DNAAF9: variants seen among roughly 807,000 people sequenced by gnomAD.
DNAAF9 encodes the protein dynein axonemal assembly factor 9, also known as shulin.
In DNAAF9, 90 loss-of-function variants were observed where a neutral mutation model predicts 167.0. That is an observed-to-expected ratio of 0.54 (90% CI 0.45 to 0.64). DNAAF9 has a LOEUF of 0.64. Ranked by LOEUF, DNAAF9 falls within the 30% of genes least tolerant of loss-of-function variation. The pLI, the probability that DNAAF9 is intolerant of heterozygous loss-of-function variation, is 0.00. For missense variants in DNAAF9, 1,315 were observed against 1,442.2 expected, an observed-to-expected ratio of 0.91 and a Z score of 1.43; for synonymous variants, 491 against 508.8, an observed-to-expected ratio of 0.96 and a Z score of 0.47.
At chr20:3,256,236 C>T in intron 33 of DNAAF9, 25 bp from the exon 34 acceptor site, 1 of 1,513,494 alleles carries the variant, frequency 6.6e-7, no homozygotes. Context: ...CACATTAGTC[C>T]CTGAGAGCCT....
At chr20:3,316,889 T>TG in intron 17 of DNAAF9, 96 bp from the exon 18 acceptor site, 1 of 492,564 alleles carries the variant, frequency 2.0e-6, no homozygotes, top group Non-Finnish European at 3.5e-6. Context: ...GAGCTAGGGT[T>TG]CTTTTTTTTT....
chr20:3,381,320 A>T, intron 3 of DNAAF9, 59 bp downstream of exon 3: 1 of 1,328,640 alleles, frequency 7.5e-7, no homozygotes, highest in East Asian at 2.5e-5. Flanking sequence ...TAAAATAAGG[A>T]TCCAAATAAA....
At chr20:3,350,132 G>GACACACACACACACACAC (rs1306670611) in intron 7 of DNAAF9, among the ~76,000 whole-genome samples, 2 of 137,556 alleles carry the variant, frequency 1.5e-5, no homozygotes, top group Non-Finnish European at 3.2e-5. Flanking sequence ...CAGACACACA[G>GACACACACACACACACAC]ACACACAGAC....
intron 29 of DNAAF9, among the ~76,000 whole-genome samples, chr20:3,274,403 A>G (rs990141918): frequency 6.6e-6 from 1 of 152,204 alleles, no homozygotes; most frequent in Non-Finnish European, 1.5e-5. Flanking sequence ...TTGGCCTCCC[A>G]AAGTGCTGGG....
chr20:3,382,253 TC>T (rs1193831640), intron 2 of DNAAF9, among the ~76,000 whole-genome samples, 173 bp downstream of exon 2: 1 of 152,108 alleles, frequency 6.6e-6, no homozygotes, highest in Non-Finnish European at 1.5e-5. Context: ...GCTTCCTATC[TC>T]ACTGATAGCT....
intron 29 of DNAAF9, among the ~76,000 whole-genome samples, chr20:3,277,044 T>C (rs1240089175): frequency 6.6e-6 from 1 of 152,190 alleles, no homozygotes; most frequent in Non-Finnish European, 1.5e-5. Flanking sequence ...GAGGAACTGA[T>C]CATTAAGAAA....
chr20:3,253,872 C>T, intron 35 of DNAAF9, 53 bp from the exon 36 acceptor site: 3 of 981,968 alleles, frequency 3.1e-6, no homozygotes, highest in South Asian at 2.6e-5. Flanking sequence ...CTATACTTCA[C>T]TCACTCATTA....
chr20:3,330,560 C>T (rs2069807293), intron 12 of DNAAF9, 86 bp downstream of exon 12: 2 of 815,642 alleles, frequency 2.5e-6, no homozygotes, highest in Non-Finnish European at 4.2e-6. Flanking sequence ...GTCTTAATCA[C>T]TGTTGATCTC....
intron 23 of DNAAF9, chr20:3,296,386 T>G (rs1040673226): frequency 6.3e-6 from 2 of 318,652 alleles, no homozygotes; most frequent in Non-Finnish European, 1.2e-5. Flanking sequence ...CATTTTTCGT[T>G]TTTTTTTTTG....
intron 12 of DNAAF9, among the ~76,000 whole-genome samples, chr20:3,327,664 A>C (rs535258471): frequency 4.4e-4 from 67 of 152,338 alleles, no homozygotes; most frequent in African/African-American, 1.6e-3. Flanking sequence ...ATCTTATAGA[A>C]GAAGCAATAA....
chr20:3,281,744 C>A lies in DNAAF9; in HGVS notation c.2509G>T (p.Val837Phe). 6.2e-7 allele frequency: 1 copy of A among 1,611,628 alleles called. No individual in the cohort carries two copies. The highest frequency in any genetic ancestry group is 8.5e-7 in the Non-Finnish European group (1 of 1,179,056). ...TCTGGGTGGGTCTGCAGGGCCTGGA[C>A]AACATCAATAACATCTGTGTAGCTG... ...LQGYTDVIDV[V>F]QALQTHPDSN... The change falls in exon 28 of 37, where the codon GTC becomes TTC. Residue 837 changes from valine to phenylalanine, a missense_variant. Physicochemically the swap from Val to Phe is conservative, Grantham distance 50. Transcript: ENST00000252032.
chr20:3,260,312 G>C (rs62208077), intron 31 of DNAAF9, among the ~76,000 whole-genome samples: 39,323 of 151,930 alleles, frequency 0.26, 5,340 homozygotes, highest in East Asian at 0.37. Context: ...GCAGTCCGCA[G>C]TCCGGCCTGG....
intron 36 of DNAAF9, among the ~76,000 whole-genome samples, chr20:3,253,037 T>C (rs533835896): frequency 1.3e-5 from 2 of 152,236 alleles, no homozygotes; most frequent in South Asian, 4.1e-4. Flanking sequence ...AAACTATAAC[T>C]CACAGGCTGG....
At position 3,343,668 on chromosome 20, in the gene DNAAF9, A is replaced by C; in HGVS notation, c.845+8T>G. 1.2e-6 allele frequency: 2 copies of C among 1,608,922 alleles called. No homozygotes were observed. Among genetic ancestry groups the C allele is most frequent in the Non-Finnish European group, 1.7e-6 (2 of 1,176,540 alleles). Reference sequence around the variant, plus strand: ...CATTCGCCCTTCTTCCCCAAGAAAGAAACTTACCTGTTTTCAGTTATATGG... The same window carrying C: ...CATTCGCCCTTCTTCCCCAAGAAAGCAACTTACCTGTTTTCAGTTATATGG... On this transcript the variant is annotated splice_region_variant and intron_variant, in intron 9 of 36. Coordinates refer to ENST00000252032, the MANE Select transcript of DNAAF9 (RefSeq NM_001009984.3).
At chr20:3,332,962 G>A (rs1371022734) in intron 10 of DNAAF9, among the ~76,000 whole-genome samples, 2 of 151,204 alleles carry the variant, frequency 1.3e-5, no homozygotes, top group Non-Finnish European at 2.9e-5. Context: ...TATATTGTGA[G>A]GGTGCTGTTG....
rs10522445 is a variant in DNAAF9 at position 3,394,949 on chromosome 20, C to CTTTT, written c.84-12447_84-12444dup. Among the ~76,000 whole-genome samples, 123 of 102,120 alleles carry CTTTT rather than the reference C, an allele frequency of 1.2e-3. 3 individuals are homozygous for CTTTT. Among genetic ancestry groups the CTTTT allele is most frequent in the Non-Finnish European group, 1.9e-3 (100 of 52,748 alleles). 67.0% of individuals were successfully genotyped at this position (102,120 alleles called of 152,430 possible). On this transcript the variant is annotated intron_variant, in intron 1 of 36. Coordinates refer to ENST00000252032, the MANE Select transcript of DNAAF9 (RefSeq NM_001009984.3). Reference sequence around the variant, plus strand: ...GCTTTTACTGAACATTTTCTTTTTTCTTTTTTTTTTTTTTTTTTTTTTTTT... The same window carrying CTTTT: ...GCTTTTACTGAACATTTTCTTTTTTCTTTTTTTTTTTTTTTTTTTTTTTTTTTTT...
At chr20:3,304,343 TGTGGTA>T in intron 21 of DNAAF9, 91 bp downstream of exon 21, 1 of 729,436 alleles carries the variant, frequency 1.4e-6, no homozygotes, top group Non-Finnish European at 2.5e-6. Flanking sequence ...CATACTGCCC[TGTGGTA>T]GTGGAGGGGA....
In DNAAF9 at chr20:3,396,123, C is replaced by T. The variant is rs148136956; in HGVS notation, c.83+11352G>A. ...CATGATTGTGAGGCTTCCCCAGCCA[C>T]GTGGAACTGTGAGTCCAATAAACCT... is the stretch of plus-strand genomic sequence containing the variant. On this transcript the variant is annotated intron_variant, in intron 1 of 36. Transcript: ENST00000252032. 9.1e-3 allele frequency among the ~76,000 whole-genome samples: 1,393 copies of T among 152,304 alleles called. 20 individuals carry two copies. The highest frequency in any genetic ancestry group is 0.032 in the African/African-American group (1,326 of 41,556).
intron 28 of DNAAF9, among the ~76,000 whole-genome samples, chr20:3,280,843 G>A (rs1406324538): frequency 2.0e-5 from 3 of 151,802 alleles, no homozygotes; most frequent in African/African-American, 7.3e-5. Flanking sequence ...TGAACTCCGG[G>A]GCTCAAGCAT....
Sources: allele counts gnomAD v4.1 joint callset (sites outside exome capture counted in the v4.1 genomes callset), GRCh38; gene constraint gnomAD v4.1.1; transcripts MANE v1.5; gene names NCBI Gene and HGNC (gene_info 2026-07-23, HGNC 2026-07-21).